RBFOX3: variants seen among roughly 807,000 people sequenced by gnomAD.
RBFOX3 encodes the protein RNA binding protein fox-1 homolog 3.
RBFOX3 carries 17 observed loss-of-function variants against 48.7 expected under a neutral mutation model. That is an observed-to-expected ratio of 0.35 (90% CI 0.24 to 0.52). The LOEUF (loss-of-function observed/expected upper bound fraction) is 0.52. Among genes scored for constraint, RBFOX3 ranks in the 20% least tolerant of loss-of-function variants. The probability of loss-of-function intolerance (pLI) is 0.94; values close to 1 mark genes in which losing one functional copy is unlikely to be tolerated. For missense variants in RBFOX3, 382 were observed against 497.5 expected, an observed-to-expected ratio of 0.77 and a Z score of 2.21; for synonymous variants, 212 against 209.5, an observed-to-expected ratio of 1.01 and a Z score of -0.10.
At chr17:79,575,778 C>A (rs1420981642) in intron 1 of RBFOX3, among the ~76,000 whole-genome samples, 2 of 152,212 alleles carry the variant, frequency 1.3e-5, no homozygotes, top group African/African-American at 2.4e-5. Context: ...CAAATCTAGC[C>A]CTAGGCCCAA....
At position 79,254,403 on chromosome 17, in the gene RBFOX3, C is replaced by T. The variant is rs1386878805; in HGVS notation, c.-73-18598G>A. On this transcript the variant is annotated intron_variant, in intron 3 of 14. Transcript: ENST00000693108. This position sits in a 1 kb window ranked among gnomAD's most constrained non-coding sequence, Gnocchi z 4.8. ...GCTCCACATACCCCCAAACCTGCCC[C>T]CCAATCCAGGACACATGGCACCAGG... Among the ~76,000 whole-genome samples, 1 of 152,028 alleles carries T rather than the reference C, an allele frequency of 6.6e-6. No homozygotes were observed. The highest frequency in any genetic ancestry group is 1.5e-5 in the Non-Finnish European group (1 of 67,992).
chr17:79,464,396 C>T (rs1340589037), intron 2 of RBFOX3, among the ~76,000 whole-genome samples: 1 of 152,244 alleles, frequency 6.6e-6, no homozygotes, highest in Non-Finnish European at 1.5e-5. Flanking sequence ...ATACCGCCAA[C>T]TTGGGGAGGA....
chr17:79,246,682 G>A (rs919463694), intron 3 of RBFOX3, among the ~76,000 whole-genome samples: 3 of 152,168 alleles, frequency 2.0e-5, no homozygotes, highest in African/African-American at 7.2e-5. Flanking sequence ...ATGCTGGTGA[G>A]ATCTCAAGAC....
chr17:79,379,041 GA>G (rs2059570302), intron 2 of RBFOX3, among the ~76,000 whole-genome samples: 1 of 152,174 alleles, frequency 6.6e-6, no homozygotes, highest in Non-Finnish European at 1.5e-5. Context: ...TGGGGAGGGG[GA>G]TTCTCAACTG....
chr17:79,599,033 C>T (rs1219330027), intron 1 of RBFOX3: 1 of 152,178 alleles, frequency 6.6e-6, no homozygotes. Context: ...TGCTCCATGC[C>T]TCCCCCTCCC....
chr17:79,262,626 G>T (rs2148491467), intron 3 of RBFOX3, among the ~76,000 whole-genome samples: 1 of 152,250 alleles, frequency 6.6e-6, no homozygotes, highest in African/African-American at 2.4e-5. Flanking sequence ...AAGGGCTGTG[G>T]GCCCTCTGTG....
At chr17:79,627,920 C>T in the RBFOX3 span, among the ~76,000 whole-genome samples, 2 of 151,582 alleles carry the variant, frequency 1.3e-5, no homozygotes, top group African/African-American at 4.9e-5. Flanking sequence ...AAAAGAGACC[C>T]CCACGGTCCC....
At chr17:79,428,252 T>C (rs1285285672) in intron 2 of RBFOX3, among the ~76,000 whole-genome samples, 2 of 152,174 alleles carry the variant, frequency 1.3e-5, no homozygotes, top group Admixed American at 6.5e-5. Context: ...GAAGGCACAG[T>C]TTCCCCGGAG....
rs190555751 is a variant in RBFOX3, at chr17:79,365,890, C to G, written c.-174-58066G>C. Among the ~76,000 whole-genome samples the G allele has an allele frequency of 6.7e-4, 102 of 152,306 alleles. 1 individual carries two copies. Among genetic ancestry groups the G allele is most frequent in the African/African-American group, 2.4e-3 (99 of 41,560 alleles). On this transcript the variant is annotated intron_variant, in intron 2 of 14. Transcript: ENST00000693108. ...GCACAGCGGCCACACCTCTGGGTGC[C>G]CGGTAACCATGGAGATGGCAGCCCT... is the stretch of plus-strand genomic sequence containing the variant.
chr17:79,389,535 G>C (rs1166283032), intron 2 of RBFOX3, among the ~76,000 whole-genome samples: 1 of 152,188 alleles, frequency 6.6e-6, no homozygotes, highest in African/African-American at 2.4e-5. Context: ...AGTTCCTTTG[G>C]AAGAGCCTAT....
At chr17:79,123,991 A>G (rs2036478853) in intron 4 of RBFOX3, among the ~76,000 whole-genome samples, 1 of 152,188 alleles carries the variant, frequency 6.6e-6, no homozygotes, top group Non-Finnish European at 1.5e-5. Context: ...GTTCTCACAT[A>G]GACTGCCCCC....
intron 1 of RBFOX3, among the ~76,000 whole-genome samples, chr17:79,541,599 G>A (rs1668302671): frequency 6.6e-6 from 1 of 152,064 alleles, no homozygotes; most frequent in Non-Finnish European, 1.5e-5. Flanking sequence ...CTTGACACAC[G>A]AGCCCATGTG....
At chr17:79,194,268 C>G (rs994113315) in intron 4 of RBFOX3, among the ~76,000 whole-genome samples, 7 of 152,006 alleles carry the variant, frequency 4.6e-5, no homozygotes, top group Non-Finnish European at 1.5e-5. Context: ...GATAAGGGAG[C>G]CCAGATTCCG....
intron 3 of RBFOX3, among the ~76,000 whole-genome samples, chr17:79,241,309 C>T (rs76225884): frequency 0.046 from 7,072 of 152,112 alleles, 224 homozygotes; most frequent in East Asian, 0.11. Flanking sequence ...CCATGGCATC[C>T]GGCCTGTTTC....
intron 2 of RBFOX3, among the ~76,000 whole-genome samples, chr17:79,322,560 G>A (rs1169196711): frequency 6.6e-6 from 1 of 152,188 alleles, no homozygotes; most frequent in Non-Finnish European, 1.5e-5. Flanking sequence ...AGGGAAGATG[G>A]AACATGTGTC....
At chr17:79,347,698 C>T (rs531910312) in intron 2 of RBFOX3, among the ~76,000 whole-genome samples, 124 of 152,268 alleles carry the variant, frequency 8.1e-4, no homozygotes, top group African/African-American at 2.7e-3. Context: ...AATTTCTACT[C>T]GGTTCCTTTG....
At chr17:79,288,470 C>T (rs1347862554) in intron 3 of RBFOX3, among the ~76,000 whole-genome samples, 1 of 147,480 alleles carries the variant, frequency 6.8e-6, no homozygotes, top group Non-Finnish European at 1.5e-5. Context: ...CCTTTCCATT[C>T]TCTGCAGCCC....
intron 2 of RBFOX3, among the ~76,000 whole-genome samples, chr17:79,434,122 G>A (rs185133244): frequency 2.7e-4 from 41 of 152,222 alleles, no homozygotes; most frequent in African/African-American, 9.2e-4. Context: ...GAAGAACATC[G>A]CACTAAGCAG....
chr17:79,219,396 G>T (rs1014821631), intron 4 of RBFOX3, among the ~76,000 whole-genome samples: 4 of 152,232 alleles, frequency 2.6e-5, no homozygotes, highest in African/African-American at 9.6e-5. Flanking sequence ...GTGCATGTGC[G>T]TGCGCGTGCA....
Sources: gnomAD v4.1 joint callset for allele counts (sites outside exome capture counted in the v4.1 genomes callset) on GRCh38, gnomAD v4.1.1 for gene constraint, Gnocchi (gnomAD v3.1) non-coding constraint, MANE v1.5 for transcripts, NCBI Gene and HGNC (gene_info 2026-07-23, HGNC 2026-07-21) for gene names.